RTL4: variants seen among roughly 807,000 people sequenced by gnomAD.
RTL4 encodes retrotransposon Gag like 4.
RTL4 carries 4 observed loss-of-function variants against 5.3 expected under a neutral mutation model. The observed-to-expected ratio is 0.75, with a 90% CI of 0.37 to 1.72. The LOEUF (loss-of-function observed/expected upper bound fraction) is 1.72, where lower values mean the gene tolerates loss of function less well. Ranked by LOEUF, RTL4 falls within the 40% of genes most tolerant of loss-of-function variation. The pLI is 0.04. For missense variants in RTL4, 260 were observed against 227.1 expected, an observed-to-expected ratio of 1.14 and a Z score of -0.93; for synonymous variants, 98 against 87.3, an observed-to-expected ratio of 1.12 and a Z score of -0.68.
chrX:112,129,264 CA>C, the RTL4 span, among the ~76,000 whole-genome samples: 1 of 111,544 alleles, frequency 9.0e-6, no homozygotes, highest in African/African-American at 3.3e-5. Flanking sequence ...GTGTTTCATA[CA>C]TTTTTTAATA....
chrX:112,180,702 A>C, the RTL4 span, among the ~76,000 whole-genome samples: 1 of 112,070 alleles, frequency 8.9e-6, no homozygotes, highest in Non-Finnish European at 1.9e-5. Flanking sequence ...CCTTAAATAT[A>C]AGAGGAATAC....
the RTL4 span, among the ~76,000 whole-genome samples, chrX:112,447,061 T>A: frequency 6.3e-5 from 7 of 111,789 alleles, no homozygotes; most frequent in African/African-American, 1.6e-4. Context: ...ATTTCCATAT[T>A]GAATTAATAG....
the RTL4 span, among the ~76,000 whole-genome samples, chrX:112,399,934 T>A: frequency 8.9e-6 from 1 of 111,821 alleles, no homozygotes; most frequent in Non-Finnish European, 1.9e-5. Context: ...GCTACTACTC[T>A]ACTGTATTCT....
At chrX:112,389,073 T>C in the RTL4 span, among the ~76,000 whole-genome samples, 1 of 110,788 alleles carries the variant, frequency 9.0e-6, no homozygotes, top group Admixed American at 9.7e-5. Context: ...TTTTGGTTGG[T>C]AAATTATTTA....
the RTL4 span, among the ~76,000 whole-genome samples, chrX:112,166,259 G>T: frequency 8.9e-6 from 1 of 111,750 alleles, no homozygotes; most frequent in South Asian, 3.8e-4. Context: ...TAATTATTTT[G>T]GTTCCCTTTT....
the RTL4 span, among the ~76,000 whole-genome samples, chrX:112,119,032 A>G: frequency 5.6e-5 from 3 of 53,567 alleles, no homozygotes; most frequent in Non-Finnish European, 1.1e-4. Context: ...TTTTTTTTGT[A>G]TTTTTAGTAG....
chrX:112,324,603 T>G, the RTL4 span, among the ~76,000 whole-genome samples: 32 of 111,711 alleles, frequency 2.9e-4, no homozygotes, highest in Admixed American at 2.5e-3. Flanking sequence ...GCTACAAATT[T>G]CCTTTGTAGC....
At chrX:112,236,457 AG>A in the RTL4 span, among the ~76,000 whole-genome samples, 261 of 81,581 alleles carry the variant, frequency 3.2e-3, 4 homozygotes, top group African/African-American at 0.013. Flanking sequence ...ATATAGATAT[AG>A]ATCTATATCT....
At chrX:112,323,768 G>T in the RTL4 span, among the ~76,000 whole-genome samples, 1 of 112,013 alleles carries the variant, frequency 8.9e-6, no homozygotes, top group African/African-American at 3.2e-5. Flanking sequence ...GAGATATCAG[G>T]CATGAGCCAC....
At chrX:112,419,619 A>ATATTTACATATG in the RTL4 span, among the ~76,000 whole-genome samples, 1 of 99,934 alleles carries the variant, frequency 1.0e-5, no homozygotes, top group Non-Finnish European at 2.0e-5. Flanking sequence ...ATGTATATAT[A>ATATTTACATATG]TATATTTAAG....
At chrX:112,132,197 C>T in the RTL4 span, among the ~76,000 whole-genome samples, 30 of 111,700 alleles carry the variant, frequency 2.7e-4, no homozygotes, top group African/African-American at 9.8e-4. Flanking sequence ...ACAAAATAAC[C>T]TATCATCATC....
the RTL4 span, among the ~76,000 whole-genome samples, chrX:112,272,293 A>T: frequency 8.9e-6 from 1 of 112,140 alleles, no homozygotes; most frequent in African/African-American, 3.2e-5. Flanking sequence ...TAAATGAATG[A>T]TTATATCTAA....
At chrX:112,337,892 TC>T in the RTL4 span, among the ~76,000 whole-genome samples, 1 of 111,274 alleles carries the variant, frequency 9.0e-6, no homozygotes, top group African/African-American at 3.3e-5. Context: ...GGCACTAGTC[TC>T]CCACTGAGGC....
At chrX:112,345,807 T>A in the RTL4 span, among the ~76,000 whole-genome samples, 210 of 111,627 alleles carry the variant, frequency 1.9e-3, no homozygotes, top group African/African-American at 6.5e-3. Context: ...ACCATCCCAA[T>A]TTGACCCCTA....
the RTL4 span, among the ~76,000 whole-genome samples, chrX:112,387,017 A>ATT: frequency 9.4e-5 from 10 of 105,997 alleles, no homozygotes; most frequent in African/African-American, 1.7e-4. Flanking sequence ...GCCAACATCT[A>ATT]TTTTTTTTTT....
chrX:112,174,892 G>A, the RTL4 span, among the ~76,000 whole-genome samples: 1 of 71,444 alleles, frequency 1.4e-5, no homozygotes, highest in Non-Finnish European at 2.8e-5. Flanking sequence ...TTTGAGAAGT[G>A]TCTGTTCATA....
chrX:112,305,643 C>T, the RTL4 span, among the ~76,000 whole-genome samples: 12 of 111,757 alleles, frequency 1.1e-4, no homozygotes, highest in Non-Finnish European at 1.9e-4. Context: ...GGATTACAGG[C>T]GTGAGCCACA....
the RTL4 span, among the ~76,000 whole-genome samples, chrX:112,373,163 A>G: frequency 1.0e-3 from 115 of 111,851 alleles, no homozygotes; most frequent in East Asian, 0.014. Flanking sequence ...GTATATACCT[A>G]GAAGTAGAAT....
the RTL4 span, among the ~76,000 whole-genome samples, chrX:112,324,137 A>G: frequency 8.9e-6 from 1 of 112,132 alleles, no homozygotes; most frequent in Non-Finnish European, 1.9e-5. Flanking sequence ...TGTATTTTCT[A>G]TGGATTTGGC....
Sources: gnomAD v4.1 joint callset for allele counts (sites outside exome capture counted in the v4.1 genomes callset) on GRCh38, gnomAD v4.1.1 for gene constraint, MANE v1.5 for transcripts, NCBI Gene and HGNC (gene_info 2026-07-23, HGNC 2026-07-21) for gene names.